The following FER1L6 variants were observed in gnomAD, a reference collection of about 807,000 sequenced individuals.
The protein encoded by FER1L6 is fer-1 like family member 6.
In FER1L6, 177 loss-of-function variants were observed where a neutral mutation model predicts 219.2. The ratio of observed to expected loss-of-function variants is 0.81; its 90% confidence interval spans 0.71 to 0.91. FER1L6 has a LOEUF of 0.91. FER1L6 is among the 40% of genes least tolerant of loss of function. The pLI, the probability that FER1L6 is intolerant of heterozygous loss-of-function variation, is 0.00. For missense variants in FER1L6, 2,153 were observed against 2,259.9 expected (o/e 0.95, Z 0.96); for synonymous variants, 768 against 824.3 (o/e 0.93, Z 1.17).
chr8:123,956,054 T>C lies in FER1L6; in HGVS notation c.56T>C (p.Leu19Pro). Residue 19 changes from leucine (L) to proline (P), a missense_variant, in exon 2 of 41, where the codon CTA becomes CCA. By Grantham distance (98) the Leu-to-Pro change is moderately conservative. Coordinates refer to ENST00000522917, the MANE Select transcript of FER1L6 (RefSeq NM_001039112.2). ...AATAAGGCAGAGAAGGGGTTAATCC[T>C]AGCCAACAAGGCTGCGAAAGGTGAG... ...KRNKAEKGLILANKAAKDSQG... is the reference protein window; with the variant it reads ...KRNKAEKGLIPANKAAKDSQG... 2 of 1,611,888 alleles carry C rather than the reference T, an allele frequency of 1.2e-6. No individual in the cohort carries two copies. The highest frequency in any genetic ancestry group is 1.7e-6 in the Non-Finnish European group (2 of 1,179,316).
chr8:123,941,625 T>C (rs1226460638), intron 1 of FER1L6, among the ~76,000 whole-genome samples: 1 of 152,208 alleles, frequency 6.6e-6, no homozygotes, highest in East Asian at 1.9e-4. Flanking sequence ...ATGTGTACTG[T>C]ATCTGGATCA....
chr8:123,976,000 C>T lies in FER1L6; in HGVS notation c.786C>T (p.Ile262=), dbSNP rs1816053226. 1.9e-6 allele frequency: 3 copies of T among 1,614,058 alleles called. No homozygotes were observed. The South Asian group carries it at 3.3e-5, about 18-fold the overall frequency. The change falls in exon 9 of 41, where the codon ATC becomes ATT. Residue 262 remains isoleucine (I), a synonymous_variant. Transcript: ENST00000522917. ...AEGLPKMNSS[I]MANVTKAFVG... ...GGTTGCCCAAAATGAATTCAAGCAT[C>T]ATGGCGAACGTCACCAAGGCATTTG... is the stretch of plus-strand genomic sequence containing the variant.
At chr8:123,979,746 C>T (rs1816239063) in intron 10 of FER1L6, among the ~76,000 whole-genome samples, 1 of 152,194 alleles carries the variant, frequency 6.6e-6, no homozygotes, top group Non-Finnish European at 1.5e-5. Flanking sequence ...ATGAAGTGGT[C>T]CTTGAACCAG....
intron 22 of FER1L6, among the ~76,000 whole-genome samples, chr8:124,051,966 TG>T (rs1563767533): frequency 1.3e-5 from 2 of 152,102 alleles, no homozygotes; most frequent in Non-Finnish European, 2.9e-5. Context: ...TGAGAGTTCT[TG>T]GGGGAATGGA....
At chr8:124,059,434 T>G (rs1309821433) in intron 22 of FER1L6, among the ~76,000 whole-genome samples, 3 of 152,184 alleles carry the variant, frequency 2.0e-5, no homozygotes, top group Admixed American at 2.0e-4. Flanking sequence ...AAAGCTTCTT[T>G]TATTTTTTGT....
At chr8:123,920,176 C>T (rs1477390390) in intron 1 of FER1L6, among the ~76,000 whole-genome samples, 1 of 152,230 alleles carries the variant, frequency 6.6e-6, no homozygotes, top group East Asian at 1.9e-4. Context: ...TTTCCACTCA[C>T]TTCCCACCCT....
chr8:123,907,304 A>G (rs1812971109), intron 1 of FER1L6, among the ~76,000 whole-genome samples: 1 of 152,182 alleles, frequency 6.6e-6, no homozygotes. Flanking sequence ...AAGGAAGCAG[A>G]CATAGGTACA....
Position 123,966,239 on chromosome 8 carries a change from GAA to G in FER1L6, c.334_335del (p.Lys112GlufsTer15). 1.2e-6 allele frequency: 2 copies of G among 1,614,172 alleles called. No individual in the cohort carries two copies. Among genetic ancestry groups the G allele is most frequent in the East Asian group, 4.5e-5 (2 of 44,878 alleles). ...PVVTIEIGDE[K>X]KQSTVKEGTN... ...TTGTGACCATTGAGATTGGGGATGA[GAA>G]GAAGCAAAGCACAGTGAAGGAAGGA... On this transcript the variant is annotated frameshift_variant, in exon 5 of 41. Coordinates refer to ENST00000522917, the MANE Select transcript of FER1L6 (RefSeq NM_001039112.2). LOFTEE classifies it high-confidence loss of function.
At chr8:124,011,465 C>T (rs1817919016) in intron 14 of FER1L6, among the ~76,000 whole-genome samples, 1 of 152,192 alleles carries the variant, frequency 6.6e-6, no homozygotes, top group Admixed American at 6.5e-5. Flanking sequence ...AAGTAATCCT[C>T]CTGCCTCAGC....
chr8:124,035,316 A>G lies in FER1L6; in HGVS notation c.2326A>G (p.Lys776Glu). 1 of 1,614,128 alleles carries G rather than the reference A, an allele frequency of 6.2e-7. No homozygotes were observed. Among genetic ancestry groups the G allele is most frequent in the South Asian group, 1.1e-5 (1 of 91,084 alleles). The change falls in exon 19 of 41, where the codon AAA becomes GAA. Residue 776 changes from lysine (K) to glutamate (E), a missense_variant. Lys to Glu is a moderately conservative substitution (Grantham distance 56, BLOSUM62 1). Coordinates refer to ENST00000522917, the MANE Select transcript of FER1L6 (RefSeq NM_001039112.2). ...ACCGGCTGGTTGGTCTGTGCAAGCA[A>G]AAGTCGACGTGTACCTGTGGCTGGG... The part of the protein sequence containing the change: ...KRPAGWSVQA[K>E]VDVYLWLGSI...
intron 18 of FER1L6, among the ~76,000 whole-genome samples, chr8:124,025,269 G>A (rs533992620): frequency 2.0e-5 from 3 of 151,964 alleles, no homozygotes; most frequent in African/African-American, 7.2e-5. Flanking sequence ...TGCCAGAAGA[G>A]TTTTTTTCTA....
intron 39 of FER1L6, among the ~76,000 whole-genome samples, chr8:124,116,228 C>A (rs1246041504): frequency 2.0e-5 from 3 of 152,184 alleles, no homozygotes; most frequent in Non-Finnish European, 2.9e-5. Flanking sequence ...AATAAAAACG[C>A]CATCTACTTT....
intron 2 of FER1L6, among the ~76,000 whole-genome samples, chr8:123,963,025 G>T (rs1029695372): frequency 6.6e-6 from 1 of 152,168 alleles, no homozygotes; most frequent in East Asian, 1.9e-4. Flanking sequence ...TTCACAATCC[G>T]ATTTTTCTTT....
At chr8:123,934,244 C>G (rs1178964189) in intron 1 of FER1L6, among the ~76,000 whole-genome samples, 1 of 152,168 alleles carries the variant, frequency 6.6e-6, no homozygotes, top group Non-Finnish European at 1.5e-5. Flanking sequence ...GATGCAGTAC[C>G]ATTATCTAAT....
rs1586426150 is a variant in FER1L6, at chr8:123,862,686, C to T, written c.-8+10501C>T. 1.8e-4 allele frequency among the ~76,000 whole-genome samples: 26 copies of T among 141,314 alleles called. 1 individual carries two copies. The South Asian group carries it at 5.6e-3, about 31-fold the overall frequency. 92.7% of individuals were successfully genotyped at this position (141,314 alleles called of 152,430 possible). A position where few individuals can be genotyped will look rare whatever the true frequency, so the allele number is the denominator to read the frequency against. ...GTTATTGGTCTATTCAGAGATTCAA[C>T]TTCTTCCTGGTTTAGTCTTGGGAGA... On this transcript the variant is annotated intron_variant, in intron 1 of 40. Coordinates refer to ENST00000522917, the MANE Select transcript of FER1L6 (RefSeq NM_001039112.2).
In FER1L6 at chr8:123,929,380, T is replaced by C. The variant is rs567472143; in HGVS notation, c.-7-26612T>C. Among the ~76,000 whole-genome samples, 21 of 152,302 alleles carry C rather than the reference T, an allele frequency of 1.4e-4. No homozygotes were observed. The East Asian group carries it at 3.7e-3, about 27-fold the overall frequency. ...ATTAAAAATTGGAGAGGTTCAATAA[T>C]TTATCCACAGAGACATAGACAGTAA... On this transcript the variant is annotated intron_variant, in intron 1 of 40. Coordinates refer to ENST00000522917, the MANE Select transcript of FER1L6 (RefSeq NM_001039112.2).
intron 1 of FER1L6, among the ~76,000 whole-genome samples, chr8:123,856,316 G>GTGTGTGTGTGTGTATATATATATATA (rs71576706): frequency 4.4e-5 from 2 of 45,110 alleles, no homozygotes; most frequent in Non-Finnish European, 9.2e-5. Flanking sequence ...ATATGTATGT[G>GTGTGTGTGTGTGTATATATATATATA]TATATATATA....
intron 12 of FER1L6, among the ~76,000 whole-genome samples, chr8:124,000,947 A>G (rs552885494): frequency 6.6e-6 from 1 of 152,310 alleles, no homozygotes; most frequent in East Asian, 1.9e-4. Context: ...AGCTCTAAGA[A>G]GAGAGGTTTG....
chr8:124,038,354 T>A (rs1406258609), intron 19 of FER1L6, among the ~76,000 whole-genome samples: 1 of 152,260 alleles, frequency 6.6e-6, no homozygotes, highest in South Asian at 2.1e-4. Flanking sequence ...TTATTTTACA[T>A]GTATAGTACT....
Sources: allele counts gnomAD v4.1 joint callset (sites outside exome capture counted in the v4.1 genomes callset), GRCh38; gene constraint gnomAD v4.1.1; transcripts MANE v1.5; gene names NCBI Gene and HGNC (gene_info 2026-07-23, HGNC 2026-07-21).